C10orf90: variants seen among roughly 807,000 people sequenced by gnomAD.
The protein encoded by C10orf90 is chromosome 10 open reading frame 90, also known as (E2-independent) E3 ubiquitin-conjugating enzyme FATS.
In C10orf90, 56 loss-of-function variants were observed where a neutral mutation model predicts 62.5. That is an observed-to-expected ratio of 0.90 (90% CI 0.72 to 1.12). The LOEUF is 1.12. Among genes scored for constraint, C10orf90 ranks in the 50% most tolerant of loss-of-function variants. The pLI is 0.00. For synonymous variants in C10orf90, 386 were observed against 340.4 expected, an observed-to-expected ratio of 1.13 and a Z score of -1.47; for missense variants, 970 against 880.4, an observed-to-expected ratio of 1.10 and a Z score of -1.29.
At chr10:126,515,764 T>C (rs1436802) in intron 2 of C10orf90, among the ~76,000 whole-genome samples, 135,237 of 152,206 alleles carry the variant, frequency 0.89, 60,273 homozygotes, top group African/African-American at 0.96. Flanking sequence ...GGACATGGCT[T>C]GAGGGAATTT....
chr10:126,516,404 TCA>T (rs1470710697), intron 2 of C10orf90, among the ~76,000 whole-genome samples: 1 of 152,182 alleles, frequency 6.6e-6, no homozygotes. Flanking sequence ...GCCACTGGAA[TCA>T]CACCACAGAG....
intron 2 of C10orf90, among the ~76,000 whole-genome samples, chr10:126,611,645 C>T (rs905272690): frequency 6.6e-6 from 1 of 152,170 alleles, no homozygotes; most frequent in Non-Finnish European, 1.5e-5. Context: ...CTCTTGTCAG[C>T]AAATATTATT....
intron 2 of C10orf90, among the ~76,000 whole-genome samples, chr10:126,609,894 G>A (rs1397529223): frequency 1.3e-5 from 2 of 152,192 alleles, no homozygotes; most frequent in Admixed American, 1.3e-4. Context: ...ATGAGATCAG[G>A]AGGATATGCA....
At chr10:126,434,183 A>G (rs1283742764) in intron 7 of C10orf90, among the ~76,000 whole-genome samples, 1 of 152,180 alleles carries the variant, frequency 6.6e-6, no homozygotes, top group Non-Finnish European at 1.5e-5. Context: ...GGTAAGGTCA[A>G]AGCCCAGACA....
intron 4 of C10orf90, among the ~76,000 whole-genome samples, chr10:126,494,583 G>A (rs1861940086): frequency 2.0e-5 from 3 of 152,232 alleles, no homozygotes; most frequent in Admixed American, 6.5e-5. Flanking sequence ...GCTCAGTGCA[G>A]GCTCTGCACC....
intron 4 of C10orf90, among the ~76,000 whole-genome samples, chr10:126,492,012 A>G (rs1473217657): frequency 6.6e-6 from 1 of 152,240 alleles, no homozygotes; most frequent in East Asian, 1.9e-4. Flanking sequence ...GTGAAAAATT[A>G]CCAGAAACAG....
chr10:126,488,328 AT>A (rs1365225177), intron 4 of C10orf90, among the ~76,000 whole-genome samples: 2 of 152,284 alleles, frequency 1.3e-5, no homozygotes, highest in East Asian at 3.9e-4. Context: ...TGCAGAAAAT[AT>A]TTTGAGATGA....
intron 7 of C10orf90, among the ~76,000 whole-genome samples, chr10:126,450,569 G>C (rs1371375073): frequency 6.6e-6 from 1 of 152,162 alleles, no homozygotes; most frequent in Non-Finnish European, 1.5e-5. Flanking sequence ...CTTTGACAAA[G>C]GAGCTGAGAA....
intron 2 of C10orf90, among the ~76,000 whole-genome samples, chr10:126,594,120 T>TTTTG: frequency 6.6e-6 from 1 of 151,626 alleles, no homozygotes; most frequent in African/African-American, 2.4e-5. Context: ...TTTTTTTTTT[T>TTTTG]TTTTTTAACC....
intron 2 of C10orf90, among the ~76,000 whole-genome samples, chr10:126,609,994 G>A (rs1845397749): frequency 6.6e-6 from 1 of 152,158 alleles, no homozygotes; most frequent in African/African-American, 2.4e-5. Flanking sequence ...GAGCCTCCAG[G>A]CAGAACACAT....
chr10:126,439,087 G>A (rs1858128579), intron 7 of C10orf90, among the ~76,000 whole-genome samples: 1 of 152,102 alleles, frequency 6.6e-6, no homozygotes, highest in Non-Finnish European at 1.5e-5. Context: ...TGGCCATAAC[G>A]TTCCTGGTGG....
chr10:126,606,598 T>C (rs1200313157), intron 2 of C10orf90, among the ~76,000 whole-genome samples: 1 of 152,044 alleles, frequency 6.6e-6, no homozygotes, highest in Admixed American at 6.5e-5. Context: ...TCTGCTGGAG[T>C]CCCACCTCCG....
At chr10:126,447,370 G>A (rs1354052029) in intron 7 of C10orf90, among the ~76,000 whole-genome samples, 1 of 152,028 alleles carries the variant, frequency 6.6e-6, no homozygotes, top group African/African-American at 2.4e-5. Context: ...AAAACCTAAA[G>A]AGAGCAGAGG....
intron 2 of C10orf90, among the ~76,000 whole-genome samples, chr10:126,646,140 C>T (rs1363016292): frequency 6.6e-6 from 1 of 152,184 alleles, no homozygotes; most frequent in Admixed American, 6.5e-5. Context: ...AGCGTTTTTA[C>T]AGTTTAGTGG....
intron 2 of C10orf90, among the ~76,000 whole-genome samples, chr10:126,567,308 A>G (rs1450851487): frequency 6.6e-6 from 1 of 152,094 alleles, no homozygotes; most frequent in African/African-American, 2.4e-5. Flanking sequence ...CTGGAGCAGG[A>G]GGAAAAGGAT....
chr10:126,649,865 TG>T (rs1289109287), intron 1 of C10orf90, among the ~76,000 whole-genome samples: 1 of 151,678 alleles, frequency 6.6e-6, no homozygotes, highest in Non-Finnish European at 1.5e-5. Flanking sequence ...TCCAGCACCA[TG>T]GTGGGTGTTA....
chr10:126,644,386 C>T lies in C10orf90; in HGVS notation c.313+2179G>A, dbSNP rs148566241. Among the ~76,000 whole-genome samples the T allele has an allele frequency of 5.7e-4, 87 of 152,314 alleles. No homozygotes were observed. In the East Asian group the frequency reaches 0.014, roughly 25 times the overall value. ...TCTTAAACAGATGGAAACAACCTTGCGGGAAGACACAGAAAACATGAGAGG... is the reference window on the plus strand; with the variant it reads ...TCTTAAACAGATGGAAACAACCTTGTGGGAAGACACAGAAAACATGAGAGG... On this transcript the variant is annotated intron_variant, in intron 2 of 9. Transcript: ENST00000488181.
chr10:126,459,243 A>T, intron 6 of C10orf90, 26 bp from the exon 7 acceptor site: 2 of 1,611,228 alleles, frequency 1.2e-6, no homozygotes, highest in Non-Finnish European at 1.7e-6. Context: ...AAAATACGTC[A>T]TTTTTAAGAG....
At chr10:126,529,723 T>A (rs1279126398) in intron 2 of C10orf90, among the ~76,000 whole-genome samples, 1 of 152,154 alleles carries the variant, frequency 6.6e-6, no homozygotes, top group Non-Finnish European at 1.5e-5. Context: ...TAAATATTGG[T>A]GAGGACATCA....
Sources: allele counts gnomAD v4.1 joint callset (sites outside exome capture counted in the v4.1 genomes callset), GRCh38; gene constraint gnomAD v4.1.1; transcripts MANE v1.5; gene names NCBI Gene and HGNC (gene_info 2026-07-23, HGNC 2026-07-21).